The following SLC9A9 variants were observed in gnomAD, a reference collection of about 807,000 sequenced individuals.
SLC9A9 encodes the protein sodium/hydrogen exchanger 9.
Under a neutral mutation model 77.8 loss-of-function variants are expected in SLC9A9, and 62 were observed. That is an observed-to-expected ratio of 0.80 (90% confidence interval 0.65 to 0.98). The LOEUF is 0.98. Among genes scored for constraint, SLC9A9 ranks in the 50% least tolerant of loss-of-function variants. SLC9A9 has a pLI of 0.00. For synonymous variants in SLC9A9, 320 were observed against 283.5 expected (o/e 1.13, Z -1.29); for missense variants, 775 against 774.9 (o/e 1.00, Z 0.00).
chr3:143,753,026 C>T (rs537203115), intron 4 of SLC9A9, among the ~76,000 whole-genome samples: 133 of 152,200 alleles, frequency 8.7e-4, no homozygotes, highest in African/African-American at 3.1e-3. Flanking sequence ...GTACTCCATC[C>T]CAGAAAGCAG....
chr3:143,633,179 A>G (rs905368009), intron 6 of SLC9A9, among the ~76,000 whole-genome samples: 2 of 152,230 alleles, frequency 1.3e-5, no homozygotes, highest in Non-Finnish European at 2.9e-5. Context: ...GGTGATCAGG[A>G]TACAGCATAA....
chr3:143,302,180 G>A (rs1308395641), intron 14 of SLC9A9, among the ~76,000 whole-genome samples: 4 of 152,182 alleles, frequency 2.6e-5, no homozygotes, highest in African/African-American at 2.4e-5. Context: ...GGAGCACGTT[G>A]CCTTGAGCAT....
chr3:143,473,458 T>C (rs1320935885), intron 11 of SLC9A9, among the ~76,000 whole-genome samples: 2 of 152,196 alleles, frequency 1.3e-5, no homozygotes, highest in Non-Finnish European at 2.9e-5. Context: ...ATGACTGTTA[T>C]CCCCACCTCT....
intron 12 of SLC9A9, among the ~76,000 whole-genome samples, chr3:143,426,381 CAATT>C (rs1472053678): frequency 6.6e-6 from 1 of 152,192 alleles, no homozygotes; most frequent in Non-Finnish European, 1.5e-5. Context: ...TTTGGCCCCA[CAATT>C]AAACCACTGG....
intron 12 of SLC9A9, among the ~76,000 whole-genome samples, chr3:143,416,460 G>A (rs547597614): frequency 6.6e-6 from 1 of 152,180 alleles, no homozygotes; most frequent in Non-Finnish European, 1.5e-5. Flanking sequence ...CCACCACCTC[G>A]ATTAGTCAGC....
chr3:143,669,058 C>A (rs1240935295), intron 5 of SLC9A9, among the ~76,000 whole-genome samples: 1 of 152,144 alleles, frequency 6.6e-6, no homozygotes, highest in Non-Finnish European at 1.5e-5. Flanking sequence ...AGAAAGCACT[C>A]CCTTTTAGGG....
rs375045041 is a variant in SLC9A9, at chr3:143,429,764, G to GCGC, written c.1469+37272_1469+37273insGCG. The stretch of plus-strand genomic sequence containing the variant: ...TGTGTGTGGAGTCCTAGTCCTCAGA[G>GCGC]CGTGTGTAGGATGAGGCTTCTGCAT... On this transcript the variant is annotated intron_variant, in intron 12 of 15. Coordinates refer to ENST00000316549, the MANE Select transcript of SLC9A9 (RefSeq NM_173653.4). Among the ~76,000 whole-genome samples, 60 of 18,922 alleles carry GCGC rather than the reference G, an allele frequency of 3.2e-3. No individual in the cohort carries two copies. In the African/African-American group the frequency reaches 0.037, roughly 12 times the overall value. The allele number at this position is 18,922 out of a possible 152,430, so 12.4% of individuals were successfully genotyped here.
intron 15 of SLC9A9, among the ~76,000 whole-genome samples, chr3:143,268,602 A>C (rs542485394): frequency 1.3e-5 from 2 of 149,988 alleles, no homozygotes; most frequent in African/African-American, 4.9e-5. Flanking sequence ...GTGTGGTGGC[A>C]GGCGCCTGTA....
intron 6 of SLC9A9, among the ~76,000 whole-genome samples, chr3:143,603,893 A>G (rs2037883758): frequency 6.6e-6 from 1 of 152,180 alleles, no homozygotes; most frequent in African/African-American, 2.4e-5. Context: ...GCTTTTACAG[A>G]GGGGTGACTT....
chr3:143,272,845 AAT>A, intron 14 of SLC9A9, among the ~76,000 whole-genome samples: 1 of 152,328 alleles, frequency 6.6e-6, no homozygotes, highest in East Asian at 1.9e-4. Context: ...GGGGAAAAAC[AAT>A]GACTTTTCTC....
chr3:143,548,937 A>C (rs979192242), intron 9 of SLC9A9, among the ~76,000 whole-genome samples: 1 of 152,190 alleles, frequency 6.6e-6, no homozygotes, highest in Admixed American at 6.5e-5. Context: ...TTATAACTCA[A>C]AGGTGATTTA....
At chr3:143,269,783 T>A (rs1402249868) in intron 14 of SLC9A9, among the ~76,000 whole-genome samples, 2 of 152,180 alleles carry the variant, frequency 1.3e-5, no homozygotes, top group East Asian at 3.8e-4. Context: ...TTTCACTTCA[T>A]CAACTTTCCA....
chr3:143,283,062 G>A (rs1227433512), intron 14 of SLC9A9, among the ~76,000 whole-genome samples: 1 of 152,198 alleles, frequency 6.6e-6, no homozygotes, highest in African/African-American at 2.4e-5. Context: ...TGAGGGAGGG[G>A]CAAGTCTCTT....
chr3:143,567,276 C>T (rs1446166017), intron 8 of SLC9A9, among the ~76,000 whole-genome samples: 2 of 152,078 alleles, frequency 1.3e-5, no homozygotes, highest in Non-Finnish European at 2.9e-5. Flanking sequence ...TATTCCAATC[C>T]TTTAGCAAGT....
intron 14 of SLC9A9, among the ~76,000 whole-genome samples, chr3:143,328,567 G>C (rs2031674359): frequency 6.6e-6 from 1 of 152,102 alleles, no homozygotes; most frequent in Non-Finnish European, 1.5e-5. Context: ...ACCCTACACG[G>C]TATTCAAAGC....
intron 9 of SLC9A9, among the ~76,000 whole-genome samples, chr3:143,523,102 A>G (rs2036340732): frequency 6.6e-6 from 1 of 152,152 alleles, no homozygotes. Context: ...TCAATAATTA[A>G]TGAGCTGTCA....
At chr3:143,840,381 A>T (rs1399186082) in intron 1 of SLC9A9, among the ~76,000 whole-genome samples, 2 of 152,202 alleles carry the variant, frequency 1.3e-5, no homozygotes, top group African/African-American at 4.8e-5. Flanking sequence ...CCAAAAATTA[A>T]ATTCAGTTTA....
At chr3:143,800,337 G>A (rs778988914) in intron 2 of SLC9A9, among the ~76,000 whole-genome samples, 12 of 152,116 alleles carry the variant, frequency 7.9e-5, no homozygotes, top group Non-Finnish European at 1.6e-4. Context: ...GTTACAGCAT[G>A]GCCTTTTAAA....
intron 4 of SLC9A9, among the ~76,000 whole-genome samples, chr3:143,766,816 T>G (rs1316263524): frequency 6.6e-6 from 1 of 152,170 alleles, no homozygotes; most frequent in Non-Finnish European, 1.5e-5. Context: ...TCAGGTAATC[T>G]GCCTGCCTTG....
Sources: gnomAD v4.1 joint callset for allele counts (sites outside exome capture counted in the v4.1 genomes callset) on GRCh38, gnomAD v4.1.1 for gene constraint, MANE v1.5 for transcripts, NCBI Gene and HGNC (gene_info 2026-07-23, HGNC 2026-07-21) for gene names.